The following MYO10 variants were observed in gnomAD, a reference collection of about 807,000 sequenced individuals.
MYO10 encodes the protein unconventional myosin-X.
MYO10 carries 133 observed loss-of-function variants against 257.3 expected under a neutral mutation model. The ratio of observed to expected loss-of-function variants is 0.52; its 90% CI spans 0.45 to 0.60. The LOEUF (loss-of-function observed/expected upper bound fraction) is 0.60. Among genes scored for constraint, MYO10 ranks in the 20% least tolerant of loss-of-function variants. The pLI, the probability that MYO10 is intolerant of heterozygous loss-of-function variation, is 0.00. For synonymous variants in MYO10, 1,104 were observed against 1,028.6 expected (o/e 1.07, Z -1.40); for missense variants, 2,399 against 2,635.7 (o/e 0.91, Z 1.97).
chr5:16,738,093 A>AG, intron 19 of MYO10: 1 of 974,326 alleles, frequency 1.0e-6, no homozygotes, highest in Non-Finnish European at 1.2e-6. Flanking sequence ...CAAAGCTTAG[A>AG]GGAGGGTTTT....
intron 36 of MYO10, among the ~76,000 whole-genome samples, chr5:16,673,143 G>A (rs1484479866): frequency 6.6e-6 from 1 of 151,682 alleles, no homozygotes; most frequent in Non-Finnish European, 1.5e-5. Context: ...CCTGTCTTTT[G>A]GCTGATAAAT....
In MYO10 at chr5:16,762,115, TAAAAAAAAAAAAAAAAAAAA is replaced by T. The variant is rs746751894; in HGVS notation, c.1588-22_1588-3del. On this transcript the variant is annotated splice_polypyrimidine_tract_variant and splice_region_variant and intron_variant, in intron 15 of 40. Transcript: ENST00000513610. ...GGGCTTCACATAAAAGTGGTTATTCTAAAAAAAAAAAAAAAAAAAAAAAAAAAAATACAATGCCTTATTTC... is the reference window on the plus strand; with the variant it reads ...GGGCTTCACATAAAAGTGGTTATTCTAAAAAAAAATACAATGCCTTATTTC... 2.0e-6 allele frequency: 1 copy of T among 512,388 alleles called. No individual in the cohort carries two copies. Among genetic ancestry groups the T allele is most frequent in the African/African-American group, 3.5e-5 (1 of 28,438 alleles). The allele number at this position is 512,388 out of a possible 1,614,324, so 31.7% of individuals were successfully genotyped here. A position where few individuals can be genotyped will look rare whatever the true frequency, so the allele number is the denominator to read the frequency against.
intron 21 of MYO10, chr5:16,710,605 G>A: frequency 2.6e-6 from 1 of 378,472 alleles, no homozygotes; most frequent in Non-Finnish European, 4.9e-6. Flanking sequence ...TACTTCCAAA[G>A]TACTGTTATT....
At chr5:16,820,332 G>A (rs1388824148) in intron 2 of MYO10, among the ~76,000 whole-genome samples, 1 of 152,160 alleles carries the variant, frequency 6.6e-6, no homozygotes, top group Non-Finnish European at 1.5e-5. Flanking sequence ...ATTTTCAGAA[G>A]AGCTACAACC....
At chr5:16,893,775 T>TAAAA (rs1226172669) in intron 1 of MYO10, among the ~76,000 whole-genome samples, 1 of 151,726 alleles carries the variant, frequency 6.6e-6, no homozygotes, top group Non-Finnish European at 1.5e-5. Context: ...AATAAATAAA[T>TAAAA]AAGTGGGGGC....
intron 39 of MYO10, among the ~76,000 whole-genome samples, chr5:16,668,721 T>G (rs6874420): frequency 0.023 from 3,511 of 152,290 alleles, 47 homozygotes; most frequent in Non-Finnish European, 0.033. Context: ...GCTTTGACTC[T>G]CCACTTCTCA....
chr5:16,733,979 A>G (rs1351923934), intron 19 of MYO10, among the ~76,000 whole-genome samples: 2 of 152,168 alleles, frequency 1.3e-5, no homozygotes, highest in Non-Finnish European at 2.9e-5. Flanking sequence ...AATGTGTGAC[A>G]TGCCAGGCTG....
intron 33 of MYO10, among the ~76,000 whole-genome samples, chr5:16,677,527 T>C (rs1042507689): frequency 1.3e-5 from 2 of 149,676 alleles, no homozygotes. Context: ...ACCATTCTCC[T>C]GCCTCAGCCT....
chr5:16,857,959 G>A (rs1254031720), intron 2 of MYO10, among the ~76,000 whole-genome samples: 1 of 152,164 alleles, frequency 6.6e-6, no homozygotes, highest in East Asian at 1.9e-4. Flanking sequence ...CATATCAGAA[G>A]TAATTGGGGT....
intron 19 of MYO10, chr5:16,738,005 G>T: frequency 1.5e-6 from 1 of 651,600 alleles, no homozygotes; most frequent in Non-Finnish European, 1.9e-6. Flanking sequence ...AACAGGTGAA[G>T]CAGAGTAGCA....
At chr5:16,790,731 T>C (rs1579993747) in intron 4 of MYO10, among the ~76,000 whole-genome samples, 4 of 152,220 alleles carry the variant, frequency 2.6e-5, no homozygotes, top group Admixed American at 6.5e-5. Flanking sequence ...GTCTCGAGCA[T>C]ATCTTTATCA....
intron 27 of MYO10, among the ~76,000 whole-genome samples, chr5:16,693,413 T>C (rs1737594553): frequency 6.6e-6 from 1 of 152,202 alleles, no homozygotes; most frequent in East Asian, 1.9e-4. Flanking sequence ...CCGCACCTCA[T>C]GAACTCCAAA....
intron 1 of MYO10, among the ~76,000 whole-genome samples, chr5:16,888,983 G>A (rs913470772): frequency 7.2e-5 from 11 of 151,828 alleles, no homozygotes; most frequent in African/African-American, 2.7e-4. Context: ...GACTAGCCTG[G>A]GCAATATGGC....
intron 3 of MYO10, among the ~76,000 whole-genome samples, chr5:16,812,982 T>C (rs1742488727): frequency 6.6e-6 from 1 of 151,488 alleles, no homozygotes; most frequent in Admixed American, 6.6e-5. Context: ...TGCCAAAAGC[T>C]ACAATAAAAA....
chr5:16,900,174 C>T (rs781364047), intron 1 of MYO10, among the ~76,000 whole-genome samples: 9 of 152,098 alleles, frequency 5.9e-5, no homozygotes, highest in Non-Finnish European at 8.8e-5. Context: ...CACTGAATTG[C>T]ACAGGTCGGT....
Position 16,740,671 on chromosome 5 carries a change from T to C in MYO10, c.1929+14157A>G, listed in dbSNP as rs1463289713. 2.0e-5 allele frequency among the ~76,000 whole-genome samples: 3 copies of C among 152,160 alleles called. No individual in the cohort carries two copies. In the East Asian group the frequency reaches 5.8e-4, roughly 30 times the overall value. ...CAGAGAGAGGGAAGCACTTCTGTAT[T>C]CCATCATTCCAGCCCTCTCGCAAGC... On this transcript the variant is annotated intron_variant, in intron 19 of 40. Coordinates refer to ENST00000513610, the MANE Select transcript of MYO10 (RefSeq NM_012334.3).
At chr5:16,733,463 T>G (rs992776552) in intron 19 of MYO10, among the ~76,000 whole-genome samples, 4 of 152,172 alleles carry the variant, frequency 2.6e-5, no homozygotes, top group African/African-American at 9.7e-5. Flanking sequence ...AAAAGTCACA[T>G]GGAGAATTTT....
At chr5:16,776,649 T>C (rs956952191) in intron 9 of MYO10, among the ~76,000 whole-genome samples, 1 of 152,232 alleles carries the variant, frequency 6.6e-6, no homozygotes, top group Non-Finnish European at 1.5e-5. Context: ...TATTTCAATG[T>C]AGCAATAAAA....
intron 2 of MYO10, among the ~76,000 whole-genome samples, chr5:16,839,941 G>A (rs1044474987): frequency 6.6e-6 from 1 of 152,154 alleles, no homozygotes; most frequent in Non-Finnish European, 1.5e-5. Context: ...GAGCCTCATT[G>A]TAAGTCGAGG....
Sources: gnomAD v4.1 joint callset for allele counts (sites outside exome capture counted in the v4.1 genomes callset) on GRCh38, gnomAD v4.1.1 for gene constraint, MANE v1.5 for transcripts, NCBI Gene and HGNC (gene_info 2026-07-23, HGNC 2026-07-21) for gene names.